Variants in QTMAN observed in about 807,000 individuals in gnomAD.
QTMAN encodes the protein tRNA-queuosine alpha-mannosyltransferase.
chr2:144,026,616 G>A, the QTMAN span, among the ~76,000 whole-genome samples: 2 of 152,106 alleles, frequency 1.3e-5, no homozygotes, highest in Non-Finnish European at 1.5e-5. Context: ...GGTTCAATTA[G>A]TTCCCTCTAC....
the QTMAN span, among the ~76,000 whole-genome samples, chr2:144,071,608 C>T: frequency 6.6e-6 from 1 of 152,000 alleles, no homozygotes; most frequent in African/African-American, 2.4e-5. Context: ...ATCTCCAAAA[C>T]CTACACATCT....
At chr2:143,946,357 G>A in the QTMAN span, 1 of 152,220 alleles carries the variant, frequency 6.6e-6, no homozygotes, top group African/African-American at 2.4e-5. Flanking sequence ...AAATGCAAAT[G>A]TAACTCTGTG....
chr2:144,110,360 G>T, the QTMAN span, among the ~76,000 whole-genome samples: 1 of 152,086 alleles, frequency 6.6e-6, no homozygotes, highest in East Asian at 1.9e-4. Flanking sequence ...TTGGACACAG[G>T]AAGGGGAACA....
chr2:144,048,301 T>A, the QTMAN span, among the ~76,000 whole-genome samples: 1 of 152,234 alleles, frequency 6.6e-6, no homozygotes, highest in African/African-American at 2.4e-5. Context: ...CAATGTAGGA[T>A]GGAGTAGCTC....
the QTMAN span, among the ~76,000 whole-genome samples, chr2:144,063,096 T>A: frequency 6.6e-6 from 1 of 152,196 alleles, no homozygotes; most frequent in Non-Finnish European, 1.5e-5. Flanking sequence ...TTTATGAGGC[T>A]ACCCTGCTGT....
At chr2:143,991,394 G>GC in the QTMAN span, among the ~76,000 whole-genome samples, 1 of 151,476 alleles carries the variant, frequency 6.6e-6, no homozygotes, top group African/African-American at 2.4e-5. Flanking sequence ...TGGGGGGTCA[G>GC]CCCCCCGCCC....
chr2:144,235,606 T>C, the QTMAN span: 4 of 152,524 alleles, frequency 2.6e-5, no homozygotes, highest in Non-Finnish European at 5.9e-5. Context: ...CAAGACATGA[T>C]AGAAAATGCC....
At chr2:144,134,136 T>A in the QTMAN span, among the ~76,000 whole-genome samples, 10,431 of 152,184 alleles carry the variant, frequency 0.069, 637 homozygotes, top group African/African-American at 0.17. Context: ...CCACAAATTC[T>A]CGAATTACAA....
At chr2:144,292,309 ACT>A in the QTMAN span, among the ~76,000 whole-genome samples, 2 of 151,354 alleles carry the variant, frequency 1.3e-5, no homozygotes, top group African/African-American at 2.4e-5. Context: ...GGCATTTAAG[ACT>A]CTCTTTTCTT....
chr2:144,141,713 C>T, the QTMAN span, among the ~76,000 whole-genome samples: 2 of 151,844 alleles, frequency 1.3e-5, no homozygotes, highest in Non-Finnish European at 2.9e-5. Context: ...GGGTTAGACA[C>T]ATGATGATTT....
chr2:144,066,547 G>A, the QTMAN span, among the ~76,000 whole-genome samples: 141 of 152,332 alleles, frequency 9.3e-4, 1 homozygote, highest in Middle Eastern at 3.4e-3. Flanking sequence ...CAGGCGCAGC[G>A]GCTTACGCCT....
At chr2:144,196,828 C>A in the QTMAN span, among the ~76,000 whole-genome samples, 2 of 152,136 alleles carry the variant, frequency 1.3e-5, no homozygotes, top group Non-Finnish European at 2.9e-5. Context: ...ACTCTGAGAT[C>A]TAGCATAATA....
the QTMAN span, among the ~76,000 whole-genome samples, chr2:143,991,347 T>C: frequency 5.3e-5 from 8 of 151,892 alleles, no homozygotes; most frequent in Non-Finnish European, 1.2e-4. Flanking sequence ...ATCTTTAAAG[T>C]AGCTAGAGAG....
chr2:144,145,583 T>C, the QTMAN span: 26 of 1,607,854 alleles, frequency 1.6e-5, no homozygotes, highest in East Asian at 2.2e-5. Context: ...ATGAAAGAAT[T>C]TGGTTGTATC....
the QTMAN span, among the ~76,000 whole-genome samples, chr2:144,152,636 A>G: frequency 1.3e-5 from 2 of 152,210 alleles, no homozygotes; most frequent in East Asian, 3.8e-4. Flanking sequence ...ACTGGAGTTC[A>G]TTATTAAGAG....
At chr2:144,134,733 T>TATA in the QTMAN span, among the ~76,000 whole-genome samples, 1 of 152,164 alleles carries the variant, frequency 6.6e-6, no homozygotes, top group African/African-American at 2.4e-5. Context: ...ATAAAGTATA[T>TATA]ATTTCTGAAT....
chr2:144,260,290 T>C, the QTMAN span, among the ~76,000 whole-genome samples: 1 of 152,264 alleles, frequency 6.6e-6, no homozygotes, highest in African/African-American at 2.4e-5. Flanking sequence ...TGCTTCACCT[T>C]CATTTTTTTC....
chr2:144,323,317 G>A, the QTMAN span, among the ~76,000 whole-genome samples: 24 of 152,284 alleles, frequency 1.6e-4, no homozygotes, highest in African/African-American at 5.5e-4. Context: ...AACAAAGTAT[G>A]CTTAAGGGTC....
chr2:144,294,403 CATT>C, the QTMAN span: 2 of 152,146 alleles, frequency 1.3e-5, no homozygotes, highest in African/African-American at 4.8e-5. Flanking sequence ...TCTCGGACAT[CATT>C]ATTTTAGTTT....
Sources: allele counts gnomAD v4.1 joint callset (sites outside exome capture counted in the v4.1 genomes callset), GRCh38; gene constraint gnomAD v4.1.1; transcripts MANE v1.5; gene names NCBI Gene and HGNC (gene_info 2026-07-23, HGNC 2026-07-21).